EYA3: variants seen among roughly 807,000 people sequenced by gnomAD.
EYA3 encodes the protein protein phosphatase EYA3.
EYA3 carries 39 observed loss-of-function variants against 80.0 expected under a neutral mutation model. The observed-to-expected ratio is 0.49, with a 90% CI of 0.38 to 0.64. The LOEUF is 0.64. EYA3 is among the 30% of genes least tolerant of loss of function. EYA3 has a pLI of 0.00. For missense variants in EYA3, 523 were observed against 676.1 expected (o/e 0.77, Z 2.51); for synonymous variants, 206 against 232.8 (o/e 0.88, Z 1.05).
chr1:28,070,609 C>A (rs1398072542), intron 1 of EYA3, among the ~76,000 whole-genome samples: 1 of 144,612 alleles, frequency 6.9e-6, no homozygotes, highest in African/African-American at 2.5e-5. Context: ...CACAACTGTA[C>A]ATACAGCTGA....
At chr1:28,067,068 A>G (rs1342200776) in intron 1 of EYA3, among the ~76,000 whole-genome samples, 1 of 152,250 alleles carries the variant, frequency 6.6e-6, no homozygotes, top group Non-Finnish European at 1.5e-5. Flanking sequence ...AGACATATTC[A>G]GTCAGGCACA....
At chr1:27,989,314 T>A (rs1405321918) in intron 15 of EYA3, among the ~76,000 whole-genome samples, 1 of 152,196 alleles carries the variant, frequency 6.6e-6, no homozygotes, top group African/African-American at 2.4e-5. Context: ...TTCTTTTGAA[T>A]CTTGCCTTCT....
chr1:28,010,107 C>T (rs1471133463), intron 10 of EYA3, among the ~76,000 whole-genome samples: 1 of 152,114 alleles, frequency 6.6e-6, no homozygotes, highest in African/African-American at 2.4e-5. Flanking sequence ...GTCTTAAGAG[C>T]ACTTATCAAT....
chr1:28,038,684 C>T (rs1643602629), intron 5 of EYA3, among the ~76,000 whole-genome samples, 155 bp downstream of exon 5: 1 of 151,372 alleles, frequency 6.6e-6, no homozygotes, highest in South Asian at 2.1e-4. Context: ...ACTACATAGA[C>T]TATATTTAGA....
At position 28,009,180 on chromosome 1, in the gene EYA3, A is replaced by G. The variant is rs917496958; in HGVS notation, c.909+1767T>C. Among the ~76,000 whole-genome samples the G allele has an allele frequency of 6.6e-6, 1 of 152,210 alleles. No homozygotes were observed. Among genetic ancestry groups the G allele is most frequent in the South Asian group, 2.1e-4 (1 of 4,838 alleles). On this transcript the variant is annotated intron_variant, in intron 10 of 17. Coordinates refer to ENST00000373871, the MANE Select transcript of EYA3 (RefSeq NM_001990.4). This position sits in a 1 kb window ranked among gnomAD's most constrained non-coding sequence, Gnocchi z 4.8. Reference sequence around the variant, plus strand: ...GAATTGATAAGATGAACTCAGATAGATAATTGTACACCAATGGTCAAAGCA... The same window carrying G: ...GAATTGATAAGATGAACTCAGATAGGTAATTGTACACCAATGGTCAAAGCA...
intron 17 of EYA3, 65 bp from the exon 18 acceptor site, chr1:27,974,611 C>T (rs1638851146): frequency 3.6e-6 from 5 of 1,404,954 alleles, no homozygotes; most frequent in South Asian, 2.4e-5. Flanking sequence ...AATATTTGCC[C>T]ATACTCTTTC....
chr1:28,073,128 T>TATATATATATATATA (rs58073802), intron 1 of EYA3, among the ~76,000 whole-genome samples: 27 of 29,200 alleles, frequency 9.2e-4, no homozygotes, highest in Non-Finnish European at 1.1e-3. Context: ...TATATATATA[T>TATATATATATATATA]TTTTTTTTTT....
chr1:27,976,951 C>T lies in EYA3; in HGVS notation c.1641+1423G>A, dbSNP rs141027925. 4.6e-6 allele frequency: 4 copies of T among 868,564 alleles called. No individual in the cohort carries two copies. The African/African-American group carries it at 7.3e-5, about 16-fold the overall frequency. The allele number at this position is 868,564 out of a possible 1,614,324, so 53.8% of individuals were successfully genotyped here. A position where few individuals can be genotyped will look rare whatever the true frequency, so the allele number is the denominator to read the frequency against. ...CAGGCTAGTCTCGAACTCCTGACCT[C>T]AGGTGATTTGCCTGCCTCAGCCTCC... On this transcript the variant is annotated intron_variant, in intron 17 of 17. Coordinates refer to ENST00000373871, the MANE Select transcript of EYA3 (RefSeq NM_001990.4).
chr1:28,027,344 T>A (rs1488186636), intron 7 of EYA3, among the ~76,000 whole-genome samples: 1 of 152,186 alleles, frequency 6.6e-6, no homozygotes, highest in Non-Finnish European at 1.5e-5. Context: ...GCAAGAGAAA[T>A]GCTCTCATCA....
intron 2 of EYA3, among the ~76,000 whole-genome samples, chr1:28,054,344 C>T (rs955746297): frequency 1.3e-5 from 2 of 152,094 alleles, no homozygotes; most frequent in African/African-American, 4.8e-5. Flanking sequence ...GGTGTGACTT[C>T]TGATGGAGGC....
In EYA3 at chr1:28,050,193, A is replaced by AT. The variant is rs1386318264; in HGVS notation, c.34-1768dup. Among the ~76,000 whole-genome samples, 29 of 87,166 alleles carry AT rather than the reference A, an allele frequency of 3.3e-4. 1 individual carries two copies. The highest frequency in any genetic ancestry group is 6.6e-4 in the Admixed American group (6 of 9,110). The allele number at this position is 87,166 out of a possible 152,430, so 57.2% of individuals were successfully genotyped here. A position where few individuals can be genotyped will look rare whatever the true frequency, so the allele number is the denominator to read the frequency against. On this transcript the variant is annotated intron_variant, in intron 2 of 17. Coordinates refer to ENST00000373871, the MANE Select transcript of EYA3 (RefSeq NM_001990.4). ...CTTTTTATTTATTATTATTATTATT[A>AT]TTATTATTATTTTTTTTGAGACAGG...
rs770368756 is a variant in EYA3, at chr1:27,973,233, C to T, written c.*1233G>A. 1 of 152,166 alleles carries T rather than the reference C, an allele frequency of 6.6e-6. No homozygotes were observed. The highest frequency in any genetic ancestry group is 6.5e-5 in the Admixed American group (1 of 15,278). 9.4% of individuals were successfully genotyped at this position (152,166 alleles called of 1,614,324 possible). ...GGGCTTCCACAAAGGAAGTCAAATACATTGGCAGTTTTGGCCAAAATGTAG... is the reference window on the plus strand; with the variant it reads ...GGGCTTCCACAAAGGAAGTCAAATATATTGGCAGTTTTGGCCAAAATGTAG... On this transcript the variant is annotated 3_prime_UTR_variant, in exon 18 of 18. Transcript: ENST00000373871.
At chr1:28,041,351 C>T (rs371679727) in intron 4 of EYA3, among the ~76,000 whole-genome samples, 7 of 151,582 alleles carry the variant, frequency 4.6e-5, no homozygotes, top group South Asian at 2.1e-4. Context: ...GTGACAAGAG[C>T]GAAACTCCAC....
chr1:28,060,499 T>G (rs1644581447), intron 1 of EYA3, among the ~76,000 whole-genome samples: 1 of 152,208 alleles, frequency 6.6e-6, no homozygotes, highest in Non-Finnish European at 1.5e-5. Flanking sequence ...TATGGTAATA[T>G]TAAATTGATT....
intron 4 of EYA3, among the ~76,000 whole-genome samples, chr1:28,041,172 T>C (rs1161546137): frequency 6.6e-6 from 1 of 152,142 alleles, no homozygotes; most frequent in East Asian, 1.9e-4. Flanking sequence ...GAGACCAGCC[T>C]GGCCAACATG....
At position 27,974,263 on chromosome 1, in the gene EYA3, G is replaced by C. The variant is rs1638830107; in HGVS notation, c.*203C>G. The C allele has an allele frequency of 7.1e-5, 21 of 297,724 alleles. No homozygotes were observed. Among genetic ancestry groups the C allele is most frequent in the South Asian group, 3.7e-4 (7 of 18,958 alleles). The allele number at this position is 297,724 out of a possible 1,614,324, so 18.4% of individuals were successfully genotyped here. ...CCAGCATTCCATGGATAAAGACAGA[G>C]AGAGAGAGAGAGAGAGAGGCAGAGA... On this transcript the variant is annotated 3_prime_UTR_variant, in exon 18 of 18. Transcript: ENST00000373871.
At chr1:28,041,024 A>G (rs987283772) in intron 4 of EYA3, among the ~76,000 whole-genome samples, 3 of 152,242 alleles carry the variant, frequency 2.0e-5, no homozygotes, top group Non-Finnish European at 4.4e-5. Context: ...AACACAAATA[A>G]TAGCCTCTAT....
chr1:27,977,214 G>T lies in EYA3; in HGVS notation c.1641+1160C>A. The T allele has an allele frequency of 3.3e-6, 5 of 1,504,288 alleles. 1 individual carries two copies. The South Asian group carries it at 6.5e-5, about 20-fold the overall frequency. 93.2% of individuals were successfully genotyped at this position (1,504,288 alleles called of 1,614,324 possible). A position where few individuals can be genotyped will look rare whatever the true frequency, so the allele number is the denominator to read the frequency against. On this transcript the variant is annotated intron_variant, in intron 17 of 17. Transcript: ENST00000373871. Reference sequence around the variant, plus strand: ...TTCATAACATATGTGAAAAAATAAGGATCCCTGAATTGCTACATAAAGTGA... The same window carrying T: ...TTCATAACATATGTGAAAAAATAAGTATCCCTGAATTGCTACATAAAGTGA...
At chr1:27,975,863 G>C (rs188665078) in intron 17 of EYA3, among the ~76,000 whole-genome samples, 1 of 152,148 alleles carries the variant, frequency 6.6e-6, no homozygotes, top group African/African-American at 2.4e-5. Flanking sequence ...CTGGGGTGCA[G>C]TGGTGCTATC....
Sources: allele counts gnomAD v4.1 joint callset (sites outside exome capture counted in the v4.1 genomes callset), GRCh38; gene constraint gnomAD v4.1.1; non-coding constraint Gnocchi (gnomAD v3.1); transcripts MANE v1.5; gene names NCBI Gene and HGNC (gene_info 2026-07-23, HGNC 2026-07-21).